The following ABI3BP variants were observed in gnomAD, a reference collection of about 807,000 sequenced individuals.
ABI3BP encodes the protein ABI family member 3 binding protein.
Under a neutral mutation model 268.6 loss-of-function variants are expected in ABI3BP, and 216 were observed. The ratio of observed to expected loss-of-function variants is 0.80; its 90% CI spans 0.72 to 0.90. The LOEUF is 0.90. Among genes scored for constraint, ABI3BP ranks in the 40% least tolerant of loss-of-function variants. The pLI is 0.00. For synonymous variants in ABI3BP, 730 were observed against 730.0 expected (o/e 1.00, Z 0.00); for missense variants, 2,090 against 2,182.4 (o/e 0.96, Z 0.84).
chr3:100,966,761 T>C (rs1310175351), intron 1 of ABI3BP, among the ~76,000 whole-genome samples: 1 of 152,226 alleles, frequency 6.6e-6, no homozygotes, highest in Non-Finnish European at 1.5e-5. Flanking sequence ...CTTCTTCTTC[T>C]AGACATAAAG....
chr3:100,830,667 T>C, intron 31 of ABI3BP, 33 bp from the exon 32 acceptor site: 1 of 1,493,376 alleles, frequency 6.7e-7, no homozygotes, highest in Non-Finnish European at 9.0e-7. Flanking sequence ...ACCAAAGAGA[T>C]TTTGTGAATG....
chr3:100,946,560 G>A (rs2072451447), intron 1 of ABI3BP, among the ~76,000 whole-genome samples: 1 of 151,936 alleles, frequency 6.6e-6, no homozygotes, highest in Non-Finnish European at 1.5e-5. Context: ...AGGCCGAGGT[G>A]GGCAGATCAC....
chr3:100,840,121 A>T lies in ABI3BP; in HGVS notation c.1848T>A (p.Arg616=). The change falls in exon 23 of 68, where the codon CGT becomes CGA. Residue 616 remains arginine, a synonymous_variant. Transcript: ENST00000471714. ...TKRPGRRPRP[R]PRPKTTPSPE... is the part of the protein sequence containing the mutation. ...GACTAGGTGTGGTTTTAGGGCGGGG[A>T]CGGGGGCGGGGGCGACGACCTGGTC... 1.9e-6 allele frequency: 1 copy of T among 515,726 alleles called. No homozygotes were observed. The highest frequency in any genetic ancestry group is 3.1e-6 in the Non-Finnish European group (1 of 327,402). 31.9% of individuals were successfully genotyped at this position (515,726 alleles called of 1,614,324 possible).
At chr3:100,815,751 A>G (rs1042301468) in intron 44 of ABI3BP, among the ~76,000 whole-genome samples, 161 bp downstream of exon 44, 4 of 152,168 alleles carry the variant, frequency 2.6e-5, no homozygotes, top group Non-Finnish European at 4.4e-5. Context: ...GCGAAAAACA[A>G]CAGGTAACAC....
Position 100,824,888 on chromosome 3 carries a change from G to A in ABI3BP, c.2716C>T (p.Pro906Ser), listed in dbSNP as rs867926726. 1 of 1,536,162 alleles carries A rather than the reference G, an allele frequency of 6.5e-7. No homozygotes were observed. Among genetic ancestry groups the A allele is most frequent in the African/African-American group, 1.4e-5 (1 of 73,130 alleles). Residue 906 changes from proline to serine, a missense_variant, in exon 36 of 68, where the codon CCG becomes TCG. By Grantham distance (74) the Pro-to-Ser change is moderately conservative. Coordinates refer to ENST00000471714, the MANE Select transcript of ABI3BP (RefSeq NM_001375547.2). Reference sequence around the variant, plus strand: ...TTGGTCTCAGGTGCCTGAGGGCTCGGTGTAGTTTTAGGTCTGGGACGTGGA... The same window carrying A: ...TTGGTCTCAGGTGCCTGAGGGCTCGATGTAGTTTTAGGTCTGGGACGTGGA... ...RPPRPRPKTT[P>S]SPQAPETKPV...
chr3:100,936,750 C>T (rs556987281), intron 1 of ABI3BP, among the ~76,000 whole-genome samples: 23 of 152,120 alleles, frequency 1.5e-4, no homozygotes, highest in African/African-American at 5.3e-4. Context: ...TCTAGATTTA[C>T]TAGTTTATTT....
At chr3:100,843,148 T>G (rs2098726033) in intron 20 of ABI3BP, among the ~76,000 whole-genome samples, 1 of 152,122 alleles carries the variant, frequency 6.6e-6, no homozygotes, top group South Asian at 2.1e-4. Flanking sequence ...TTATTTCTTC[T>G]AAAAGCAATG....
intron 16 of ABI3BP, 79 bp from the exon 17 acceptor site, chr3:100,850,198 A>G: frequency 1.5e-6 from 2 of 1,295,610 alleles, no homozygotes; most frequent in Non-Finnish European, 2.2e-6. Context: ...ATGCTTTTAG[A>G]TGGTATAAAG....
At chr3:100,751,760 C>T in intron 66 of ABI3BP, 86 bp from the exon 67 acceptor site, 1 of 1,333,288 alleles carries the variant, frequency 7.5e-7, no homozygotes, top group South Asian at 1.6e-5. Flanking sequence ...TGTTTTTGTA[C>T]TTTCTCCCCT....
chr3:100,800,844 A>G (rs909898393), intron 51 of ABI3BP, among the ~76,000 whole-genome samples: 1 of 152,252 alleles, frequency 6.6e-6, no homozygotes, highest in African/African-American at 2.4e-5. Context: ...CTTGCCTATT[A>G]AAATCTATCT....
intron 47 of ABI3BP, 74 bp downstream of exon 47, chr3:100,811,652 CAT>C: frequency 7.1e-7 from 1 of 1,412,836 alleles, no homozygotes; most frequent in Non-Finnish European, 9.6e-7. Context: ...CTTGAACTTT[CAT>C]ATTCCGTGGA....
intron 1 of ABI3BP, among the ~76,000 whole-genome samples, chr3:100,937,601 G>A (rs1026939546): frequency 8.6e-5 from 13 of 151,904 alleles, no homozygotes; most frequent in East Asian, 3.9e-4. Flanking sequence ...CAGACTCTCC[G>A]GATGGAAGGT....
chr3:100,973,194 A>G (rs938580584), intron 1 of ABI3BP, among the ~76,000 whole-genome samples: 4 of 152,196 alleles, frequency 2.6e-5, no homozygotes, highest in African/African-American at 9.7e-5. Flanking sequence ...AATGAGCTCT[A>G]CTGCTGTTGG....
At position 100,911,414 on chromosome 3, in the gene ABI3BP, C is replaced by T. The variant is rs1456152472; in HGVS notation, c.260-8728G>A. On this transcript the variant is annotated intron_variant, in intron 2 of 67. Transcript: ENST00000471714. ...TTCTCTCAGGCTGCCTGAATCTATG[C>T]TCATCTCCTTTTTTCCAATTTCTTG... The T allele has an allele frequency of 1.1e-5, 3 of 282,198 alleles. No homozygotes were observed. The East Asian group carries it at 2.8e-4, about 27-fold the overall frequency. The allele number at this position is 282,198 out of a possible 1,614,324, so 17.5% of individuals were successfully genotyped here.
intron 51 of ABI3BP, among the ~76,000 whole-genome samples, chr3:100,800,709 G>A (rs901037396): frequency 2.2e-4 from 33 of 152,274 alleles, no homozygotes; most frequent in African/African-American, 7.2e-4. Context: ...TTGTTCTCCT[G>A]ACCTCGTGAT....
At chr3:100,939,947 C>T (rs575294497) in intron 1 of ABI3BP, among the ~76,000 whole-genome samples, 1 of 152,158 alleles carries the variant, frequency 6.6e-6, no homozygotes, top group East Asian at 1.9e-4. Flanking sequence ...ATGTTCCTTG[C>T]TGAGAAAAAG....
At chr3:100,824,815 G>T (rs1185036441) in intron 36 of ABI3BP, 43 bp downstream of exon 36, 1 of 1,488,070 alleles carries the variant, frequency 6.7e-7, no homozygotes, top group African/African-American at 1.4e-5. Context: ...CACTGCGACA[G>T]GCTGCCAGGG....
At chr3:100,820,181 A>C in intron 40 of ABI3BP, 39 bp downstream of exon 40, 1 of 1,470,314 alleles carries the variant, frequency 6.8e-7, no homozygotes, top group South Asian at 1.2e-5. Context: ...TCCTGAGAGC[A>C]GCTAGGATGA....
intron 2 of ABI3BP, among the ~76,000 whole-genome samples, chr3:100,907,297 T>C (rs1295558425): frequency 6.6e-6 from 1 of 152,146 alleles, no homozygotes; most frequent in Non-Finnish European, 1.5e-5. Flanking sequence ...AGTTTGAGAC[T>C]AGCCTGGGCA....
Sources: allele counts gnomAD v4.1 joint callset (sites outside exome capture counted in the v4.1 genomes callset), GRCh38; gene constraint gnomAD v4.1.1; transcripts MANE v1.5; gene names NCBI Gene and HGNC (gene_info 2026-07-23, HGNC 2026-07-21).